PPP3CA: variants seen among roughly 807,000 people sequenced by gnomAD.
The protein encoded by PPP3CA is protein phosphatase 3 catalytic subunit alpha.
A neutral mutation model predicts 66.5 loss-of-function variants in PPP3CA; 14 were observed. That is an observed-to-expected ratio of 0.21 (90% confidence interval 0.14 to 0.33). PPP3CA has a LOEUF of 0.33. Ranked by LOEUF, PPP3CA falls within the 10% of genes least tolerant of loss-of-function variation. PPP3CA has a pLI of 1.00. For missense variants in PPP3CA, 317 were observed against 639.5 expected, an observed-to-expected ratio of 0.50 and a Z score of 5.44; for synonymous variants, 232 against 226.2, an observed-to-expected ratio of 1.03 and a Z score of -0.23.
chr4:101,315,131 G>A (rs1474522447), intron 1 of PPP3CA, among the ~76,000 whole-genome samples: 1 of 151,934 alleles, frequency 6.6e-6, no homozygotes, highest in Non-Finnish European at 1.5e-5. Context: ...CTCCTACATG[G>A]GATTCACGTC....
intron 4 of PPP3CA, 78 bp downstream of exon 4, chr4:101,099,533 T>C: frequency 4.2e-6 from 3 of 721,492 alleles, no homozygotes; most frequent in Non-Finnish European, 6.6e-6. Context: ...ATAGATCATA[T>C]TGTATGTATC....
At chr4:101,071,495 C>T (rs1728915735) in intron 8 of PPP3CA, among the ~76,000 whole-genome samples, 1 of 152,152 alleles carries the variant, frequency 6.6e-6, no homozygotes, top group Non-Finnish European at 1.5e-5. Context: ...TACTGTTTTT[C>T]TCTTGTTGAA....
chr4:101,258,394 A>G (rs1726910390), intron 1 of PPP3CA, among the ~76,000 whole-genome samples: 1 of 152,120 alleles, frequency 6.6e-6, no homozygotes, highest in Non-Finnish European at 1.5e-5. Context: ...GACAAGAGGC[A>G]GCTGCACTGT....
At chr4:101,171,332 G>A (rs1404604270) in intron 2 of PPP3CA, 10 of 254,010 alleles carry the variant, frequency 3.9e-5, no homozygotes, top group Non-Finnish European at 6.2e-5. Context: ...ATGCATACTC[G>A]TTTATGAACA....
intron 3 of PPP3CA, among the ~76,000 whole-genome samples, chr4:101,101,072 A>G (rs1321521292): frequency 6.6e-6 from 1 of 152,184 alleles, no homozygotes; most frequent in Non-Finnish European, 1.5e-5. Context: ...GAAATAAACA[A>G]TAGGTTGACA....
intron 1 of PPP3CA, among the ~76,000 whole-genome samples, chr4:101,271,993 T>G (rs1282316185): frequency 1.3e-5 from 2 of 152,204 alleles, no homozygotes; most frequent in African/African-American, 4.8e-5. Context: ...AAGATAATGA[T>G]TAATTCACTT....
rs755119794 is a variant in PPP3CA at position 101,196,074 on chromosome 4, A to G, written c.101T>C (p.Val34Ala). The G allele has an allele frequency of 9.3e-6, 15 of 1,614,032 alleles. No individual in the cohort carries two copies. Among genetic ancestry groups the G allele is most frequent in the Non-Finnish European group, 1.2e-5 (14 of 1,179,978 alleles). The change falls in exon 2 of 14, where the codon GTG becomes GCG. Residue 34 changes from valine to alanine, a missense_variant. Physicochemically the swap from Val to Ala is moderately conservative, Grantham distance 64. Around this residue, in one of 3 missense-constraint regions of PPP3CA, gnomAD observed 76 missense variants for 99.5 expected, o/e 0.76. Transcript: ENST00000394854. ...ACGAGGTTTTCCATCATTATCAAAC[A>G]CTTCTTTTGCTGTAAGCCGGTGACT... The part of the protein sequence containing the change: ...PPSHRLTAKE[V>A]FDNDGKPRVD...
chr4:101,121,625 T>C (rs918833281), intron 2 of PPP3CA, among the ~76,000 whole-genome samples: 1 of 152,164 alleles, frequency 6.6e-6, no homozygotes, highest in Non-Finnish European at 1.5e-5. Context: ...TTCATTTTAA[T>C]TAACAGGTAG....
chr4:101,083,854 C>G (rs1240034499), intron 6 of PPP3CA, among the ~76,000 whole-genome samples: 1 of 152,150 alleles, frequency 6.6e-6, no homozygotes, highest in East Asian at 1.9e-4. Context: ...CATTCAAAAC[C>G]TAAACAAAAT....
chr4:101,027,982 A>G (rs1216247971), intron 13 of PPP3CA, among the ~76,000 whole-genome samples: 4 of 152,220 alleles, frequency 2.6e-5, no homozygotes, highest in African/African-American at 9.7e-5. Context: ...AAGAATGCAC[A>G]CTGCAGATTA....
intron 10 of PPP3CA, 25 bp downstream of exon 10, chr4:101,061,062 T>G: frequency 6.3e-7 from 1 of 1,581,998 alleles, no homozygotes; most frequent in Non-Finnish European, 8.7e-7. Flanking sequence ...CAAATAGCAT[T>G]AGCACAAAGG....
chr4:101,094,083 T>C (rs898627401), intron 5 of PPP3CA, among the ~76,000 whole-genome samples, 168 bp from the exon 6 acceptor site: 4 of 152,110 alleles, frequency 2.6e-5, no homozygotes, highest in African/African-American at 9.7e-5. Flanking sequence ...TCCTACTCGT[T>C]TTCCTATCCT....
At chr4:101,113,654 A>G (rs1343235645) in intron 2 of PPP3CA, among the ~76,000 whole-genome samples, 1 of 152,104 alleles carries the variant, frequency 6.6e-6, no homozygotes, top group Non-Finnish European at 1.5e-5. Flanking sequence ...CTCATTCACC[A>G]TTTTGATATC....
chr4:101,282,273 C>T (rs1273973088), intron 1 of PPP3CA, among the ~76,000 whole-genome samples: 1 of 152,086 alleles, frequency 6.6e-6, no homozygotes, highest in African/African-American at 2.4e-5. Context: ...TAAGTGGCAA[C>T]AGAAAAAAAC....
At chr4:101,299,332 A>G (rs1458493462) in intron 1 of PPP3CA, among the ~76,000 whole-genome samples, 6 of 151,592 alleles carry the variant, frequency 4.0e-5, no homozygotes, top group Non-Finnish European at 2.9e-5. Context: ...ATCAGTGAAA[A>G]AACACTGAAG....
intron 2 of PPP3CA, among the ~76,000 whole-genome samples, chr4:101,128,138 G>A (rs1722305856): frequency 6.6e-6 from 1 of 152,152 alleles, no homozygotes; most frequent in South Asian, 2.1e-4. Flanking sequence ...AAGAGGCTAT[G>A]TGCCCTGAGA....
At chr4:101,276,021 C>T (rs1053684203) in intron 1 of PPP3CA, among the ~76,000 whole-genome samples, 2 of 151,602 alleles carry the variant, frequency 1.3e-5, no homozygotes, top group African/African-American at 4.9e-5. Context: ...CAGCCTCCTG[C>T]GTAGCTGGGA....
intron 1 of PPP3CA, among the ~76,000 whole-genome samples, chr4:101,340,484 C>T (rs1729779294): frequency 6.6e-6 from 1 of 151,984 alleles, no homozygotes; most frequent in Non-Finnish European, 1.5e-5. Flanking sequence ...TTTGAGATAC[C>T]AGCAACTGGG....
chr4:101,141,983 T>G (rs1010972860), intron 2 of PPP3CA, among the ~76,000 whole-genome samples: 6 of 150,342 alleles, frequency 4.0e-5, no homozygotes, highest in African/African-American at 1.5e-4. Context: ...AGCATGTCAA[T>G]GGAGGATGAT....
Sources: gnomAD v4.1 joint callset for allele counts (sites outside exome capture counted in the v4.1 genomes callset) on GRCh38, gnomAD v4.1.1 for gene constraint, gnomAD v4.1.1 regional missense constraint, MANE v1.5 for transcripts, NCBI Gene and HGNC (gene_info 2026-07-23, HGNC 2026-07-21) for gene names.